SLC35F3: variants seen among roughly 807,000 people sequenced by gnomAD.
The protein encoded by SLC35F3 is solute carrier family 35 member F3.
In SLC35F3, 25 loss-of-function variants were observed where a neutral mutation model predicts 49.9. The observed-to-expected ratio is 0.50, with a 90% CI of 0.37 to 0.70. The LOEUF (loss-of-function observed/expected upper bound fraction) is 0.70. Among genes scored for constraint, SLC35F3 ranks in the 30% least tolerant of loss-of-function variants. SLC35F3 has a pLI of 0.00. For synonymous variants in SLC35F3, 275 were observed against 265.4 expected (o/e 1.04, Z -0.35); for missense variants, 525 against 639.8 (o/e 0.82, Z 1.94).
At chr1:234,054,673 T>C (rs1380779902) in intron 2 of SLC35F3, among the ~76,000 whole-genome samples, 2 of 152,198 alleles carry the variant, frequency 1.3e-5, no homozygotes, top group Non-Finnish European at 2.9e-5. Context: ...TCCGGCTTTG[T>C]TCTGTTGTTG....
intron 3 of SLC35F3, among the ~76,000 whole-genome samples, chr1:234,308,749 A>AC (rs1035964785): frequency 2.0e-5 from 3 of 147,240 alleles, no homozygotes; most frequent in Admixed American, 6.9e-5. Flanking sequence ...AGGTTTAGTG[A>AC]CCCCCTTCTC....
intron 2 of SLC35F3, among the ~76,000 whole-genome samples, chr1:234,161,107 A>T (rs1438188615): frequency 6.6e-6 from 1 of 152,104 alleles, no homozygotes; most frequent in African/African-American, 2.4e-5. Context: ...CCTTCCACTC[A>T]TACTGTCATT....
chr1:234,146,350 C>T (rs1440586800), intron 2 of SLC35F3, among the ~76,000 whole-genome samples: 3 of 151,968 alleles, frequency 2.0e-5, no homozygotes, highest in African/African-American at 7.2e-5. Context: ...CCTTCAGTCT[C>T]TCCTATCCAG....
intron 2 of SLC35F3, among the ~76,000 whole-genome samples, chr1:233,959,553 G>T (rs1662759716): frequency 6.6e-6 from 1 of 152,148 alleles, no homozygotes; most frequent in African/African-American, 2.4e-5. Flanking sequence ...GAAACTAATG[G>T]AATTCTGTGG....
intron 2 of SLC35F3, among the ~76,000 whole-genome samples, chr1:233,994,193 T>TGATA (rs943226449): frequency 6.6e-6 from 1 of 152,184 alleles, no homozygotes; most frequent in East Asian, 1.9e-4. Context: ...ATTATATTAA[T>TGATA]GATAGATAGA....
intron 2 of SLC35F3, among the ~76,000 whole-genome samples, chr1:234,071,146 A>G (rs1363446471): frequency 1.3e-5 from 2 of 152,236 alleles, no homozygotes; most frequent in Non-Finnish European, 2.9e-5. Context: ...CAGACCCGGC[A>G]GAGTCTAGGG....
intron 2 of SLC35F3, among the ~76,000 whole-genome samples, chr1:234,004,705 T>C (rs935342256): frequency 1.3e-5 from 2 of 152,144 alleles, no homozygotes; most frequent in Non-Finnish European, 2.9e-5. Context: ...ACCATACTTA[T>C]CAAAATTCCA....
At chr1:234,081,933 TTTTAGTA>T (rs1664883682) in intron 2 of SLC35F3, among the ~76,000 whole-genome samples, 2 of 134,332 alleles carry the variant, frequency 1.5e-5, no homozygotes, top group African/African-American at 5.8e-5. Context: ...TTTTTTTTTT[TTTTAGTA>T]GAGACAGGGT....
intron 2 of SLC35F3, among the ~76,000 whole-genome samples, chr1:234,000,689 A>G (rs1174290697): frequency 3.3e-5 from 5 of 152,222 alleles, no homozygotes; most frequent in Non-Finnish European, 4.4e-5. Context: ...TGGAAATGTA[A>G]AAATCCAGCT....
intron 3 of SLC35F3, among the ~76,000 whole-genome samples, chr1:234,267,992 C>T (rs1320919021): frequency 7.1e-6 from 1 of 141,216 alleles, no homozygotes; most frequent in Non-Finnish European, 1.5e-5. Flanking sequence ...GGCAGAGGGG[C>T]TCCTCACATC....
At chr1:234,246,459 A>G (rs1021934166) in intron 3 of SLC35F3, among the ~76,000 whole-genome samples, 3 of 152,198 alleles carry the variant, frequency 2.0e-5, no homozygotes, top group Non-Finnish European at 4.4e-5. Flanking sequence ...CTGGATAGAG[A>G]GGACTAATAA....
chr1:234,105,086 C>T (rs1665265343), intron 2 of SLC35F3, among the ~76,000 whole-genome samples: 1 of 150,886 alleles, frequency 6.6e-6, no homozygotes, highest in Non-Finnish European at 1.5e-5. Context: ...CGAGATCGTG[C>T]CACTGCACTC....
intron 2 of SLC35F3, among the ~76,000 whole-genome samples, chr1:234,022,581 T>C (rs1247896608): frequency 6.6e-6 from 1 of 152,192 alleles, no homozygotes; most frequent in Non-Finnish European, 1.5e-5. Context: ...CTAGAAAATA[T>C]CTTCACAGGG....
At chr1:234,254,473 A>C (rs1667786429) in intron 3 of SLC35F3, among the ~76,000 whole-genome samples, 1 of 152,206 alleles carries the variant, frequency 6.6e-6, no homozygotes, top group African/African-American at 2.4e-5. Flanking sequence ...ATAATCTTTA[A>C]ATAGGGTAAG....
At chr1:233,924,930 T>C (rs777668268) in intron 2 of SLC35F3, among the ~76,000 whole-genome samples, 8 of 152,242 alleles carry the variant, frequency 5.3e-5, no homozygotes, top group Admixed American at 2.0e-4. Context: ...AGTTTCCATG[T>C]AGATGTGCGG....
chr1:234,221,727 T>C (rs906920367), intron 2 of SLC35F3, among the ~76,000 whole-genome samples: 4 of 152,172 alleles, frequency 2.6e-5, no homozygotes, highest in African/African-American at 4.8e-5. Context: ...GGAAGAACAC[T>C]GGATGAGGTG....
intron 2 of SLC35F3, among the ~76,000 whole-genome samples, chr1:234,096,949 G>T (rs1378689675): frequency 6.7e-6 from 1 of 150,060 alleles, no homozygotes; most frequent in Non-Finnish European, 1.5e-5. Context: ...GAGTGCAATG[G>T]TGTGCTCTCG....
chr1:234,096,142 T>C (rs1665113720), intron 2 of SLC35F3, among the ~76,000 whole-genome samples: 1 of 152,252 alleles, frequency 6.6e-6, no homozygotes, highest in Non-Finnish European at 1.5e-5. Flanking sequence ...CCATGTGTTC[T>C]GTAAATATTT....
intron 2 of SLC35F3, among the ~76,000 whole-genome samples, chr1:233,939,367 A>G (rs566603522): frequency 6.6e-6 from 1 of 152,130 alleles, no homozygotes; most frequent in Non-Finnish European, 1.5e-5. Context: ...AGGTGAGAGG[A>G]TCACTTGAGC....
Sources: gnomAD v4.1 joint callset for allele counts (sites outside exome capture counted in the v4.1 genomes callset) on GRCh38, gnomAD v4.1.1 for gene constraint, MANE v1.5 for transcripts, NCBI Gene and HGNC (gene_info 2026-07-23, HGNC 2026-07-21) for gene names.